C4orf50: variants seen among roughly 807,000 people sequenced by gnomAD.
The protein encoded by C4orf50 is chromosome 4 open reading frame 50.
C4orf50 carries 80 observed loss-of-function variants against 77.2 expected under a neutral mutation model. The ratio of observed to expected loss-of-function variants is 1.04; its 90% CI spans 0.87 to 1.25. The LOEUF (loss-of-function observed/expected upper bound fraction) is 1.25. Ranked by LOEUF, C4orf50 falls within the 50% of genes most tolerant of loss-of-function variation. C4orf50 has a pLI of 0.00. For synonymous variants in C4orf50, 532 were observed against 465.3 expected (o/e 1.14, Z -1.84); for missense variants, 1,257 against 1,152.9 (o/e 1.09, Z -1.31).
rs7697135 is a variant in C4orf50, at chr4:6,015,221, T to G, written c.287+2924A>C. The stretch of plus-strand genomic sequence containing the variant: ...CTTAGAATGTGATTATATTTGGAGA[T>G]AAGCCCTTTCAAAGAGGCAATTAAG... On this transcript the variant is annotated intron_variant, in intron 23 of 33. Transcript: ENST00000531445. This position sits in a 1 kb window ranked among gnomAD's most constrained non-coding sequence, Gnocchi z 4.4. 0.47 allele frequency among the ~76,000 whole-genome samples: 71,686 copies of G among 151,992 alleles called. 17,636 individuals are homozygous for G. The highest frequency in any genetic ancestry group is 0.55 in the Non-Finnish European group (37,419 of 67,978).
At chr4:5,911,230 G>A (rs576470430) in intron 7 of C4orf50, among the ~76,000 whole-genome samples, 3 of 152,132 alleles carry the variant, frequency 2.0e-5, no homozygotes, top group African/African-American at 7.2e-5. Flanking sequence ...TGTGCCTTTC[G>A]AACTTGTGGG....
chr4:6,000,337 G>C lies in C4orf50; in HGVS notation c.964-5861C>G, dbSNP rs1577986368. ...CTGGCTTTGCAGTTCCTTATCGATG[G>C]GTTCTAACACTTTAATTTATAAATT... On this transcript the variant is annotated intron_variant, in intron 25 of 33. Coordinates refer to ENST00000531445, the Ensembl canonical transcript of C4orf50. The surrounding 1 kb of genome is among the most constrained non-coding windows in gnomAD (Gnocchi z 6.0). Among the ~76,000 whole-genome samples, 3 of 152,172 alleles carry C rather than the reference G, an allele frequency of 2.0e-5. No homozygotes were observed. In the South Asian group the frequency reaches 6.2e-4, roughly 32 times the overall value.
In C4orf50 at chr4:5,919,503, C is replaced by A. The variant is rs891753379; in HGVS notation, c.*2475-21315G>T. Among the ~76,000 whole-genome samples the A allele has an allele frequency of 6.6e-6, 1 of 152,142 alleles. No individual in the cohort carries two copies. Among genetic ancestry groups the A allele is most frequent in the African/African-American group, 2.4e-5 (1 of 41,430 alleles). ...AGCCCCACAGAGACTGTGCAGGAGGCCATGTCGAGGACGTCTCCCAGGAAG... is the reference window on the plus strand; with the variant it reads ...AGCCCCACAGAGACTGTGCAGGAGGACATGTCGAGGACGTCTCCCAGGAAG... On this transcript the variant is annotated intron_variant, in intron 7 of 7. Coordinates refer to the C4orf50 transcript ENST00000324058. This position sits in a 1 kb window ranked among gnomAD's most constrained non-coding sequence, Gnocchi z 6.5.
chr4:5,946,969 GC>G (rs1718508514), intron 7 of C4orf50, among the ~76,000 whole-genome samples: 1 of 152,208 alleles, frequency 6.6e-6, no homozygotes, highest in African/African-American at 2.4e-5. Context: ...CACACATGGT[GC>G]TCTTGGCCAG....
intron 7 of C4orf50, among the ~76,000 whole-genome samples, chr4:5,943,628 ATCAAGAGACGC>A (rs1373531908): frequency 6.6e-6 from 1 of 152,206 alleles, no homozygotes; most frequent in African/African-American, 2.4e-5. Context: ...AAGAGCACAC[ATCAAGAGACGC>A]TTTACAAACT....
At chr4:6,016,691 C>A (rs1480319066) in intron 23 of C4orf50, among the ~76,000 whole-genome samples, 1 of 152,100 alleles carries the variant, frequency 6.6e-6, no homozygotes, top group Non-Finnish European at 1.5e-5. Context: ...ACTAACATAA[C>A]TTTGTATATG....
At chr4:6,012,043 G>A in intron 23 of C4orf50, 75 bp from the exon 2 acceptor site, 1 of 398,718 alleles carries the variant, frequency 2.5e-6, no homozygotes, top group Non-Finnish European at 4.4e-6. Context: ...AGACACCAGG[G>A]CCAAATTATT....
At chr4:5,995,633 C>G (rs2108796930) in intron 25 of C4orf50, among the ~76,000 whole-genome samples, 1 of 152,286 alleles carries the variant, frequency 6.6e-6, no homozygotes, top group East Asian at 1.9e-4. Flanking sequence ...GCCTCACATA[C>G]CTACTACTCC....
In C4orf50 at chr4:6,011,391, A is replaced by T. The variant is rs1375634770; in HGVS notation, c.426+439T>A. On this transcript the variant is annotated intron_variant, in intron 24 of 33. Transcript: ENST00000531445. This position sits in a 1 kb window ranked among gnomAD's most constrained non-coding sequence, Gnocchi z 4.2. ...TGCCCTTCCCAACAAGGCCCAGCTC[A>T]CATGGCCTCAGCTCTCTGTAGCTCT... is the stretch of plus-strand genomic sequence containing the variant. 1.3e-5 allele frequency among the ~76,000 whole-genome samples: 2 copies of T among 152,064 alleles called. No homozygotes were observed. Among genetic ancestry groups the T allele is most frequent in the Non-Finnish European group, 2.9e-5 (2 of 67,984 alleles).
At chr4:5,984,843 A>G (rs994703725) in intron 28 of C4orf50, among the ~76,000 whole-genome samples, 3 of 145,978 alleles carry the variant, frequency 2.1e-5, no homozygotes, top group Non-Finnish European at 4.6e-5. Context: ...ACACAAGTTC[A>G]AGAAGCTAAA....
intron 7 of C4orf50, among the ~76,000 whole-genome samples, chr4:5,922,246 G>A (rs577005799): frequency 3.9e-5 from 6 of 152,336 alleles, no homozygotes; most frequent in South Asian, 2.1e-4. Flanking sequence ...AGTGATGCAC[G>A]GGGACAGAGG....
intron 7 of C4orf50, among the ~76,000 whole-genome samples, chr4:5,935,557 G>C (rs530993774): frequency 6.6e-6 from 1 of 152,120 alleles, no homozygotes; most frequent in Non-Finnish European, 1.5e-5. Context: ...GGAGGTCAAG[G>C]CAGGCGGATA....
rs4619829 is a variant in C4orf50 at position 5,908,197 on chromosome 4, C to A, written c.*2475-10009G>T. ...ACATGTGTCCTCAAGGGCCTTATAT[C>A]TGAGTGAGTAAAACAGACAAGCAAG... On this transcript the variant is annotated intron_variant, in intron 7 of 7. Coordinates refer to the C4orf50 transcript ENST00000324058. This position sits in a 1 kb window ranked among gnomAD's most constrained non-coding sequence, Gnocchi z 5.6. 6.6e-6 allele frequency among the ~76,000 whole-genome samples: 1 copy of A among 152,240 alleles called. No individual in the cohort carries two copies. The highest frequency in any genetic ancestry group is 6.5e-5 in the Admixed American group (1 of 15,300).
chr4:5,936,868 A>G (rs1315702282), intron 7 of C4orf50, among the ~76,000 whole-genome samples: 1 of 152,160 alleles, frequency 6.6e-6, no homozygotes, highest in East Asian at 1.9e-4. Context: ...AAAAGCAATC[A>G]GAGAGAGAGA....
intron 7 of C4orf50, among the ~76,000 whole-genome samples, chr4:5,918,885 C>T (rs1041793342): frequency 4.6e-5 from 7 of 151,760 alleles, no homozygotes; most frequent in Non-Finnish European, 7.4e-5. Context: ...AGTCTCCTGG[C>T]GGGGGACCCC....
intron 33 of C4orf50, 28 bp downstream of exon 11, chr4:5,964,996 G>A: frequency 6.3e-7 from 1 of 1,597,020 alleles, no homozygotes; most frequent in Non-Finnish European, 8.5e-7. Flanking sequence ...AGTTCATTTA[G>A]GAAATGAGGT....
chr4:5,904,770 G>A (rs1716478864), intron 7 of C4orf50: 2 of 152,144 alleles, frequency 1.3e-5, no homozygotes, highest in South Asian at 2.1e-4. Flanking sequence ...TGCAGGTTGG[G>A]AACTCCATCC....
At chr4:5,956,851 C>T (rs1718991282), downstream of C4orf50, 1 of 152,318 alleles carries the variant, frequency 6.6e-6, no homozygotes, top group Admixed American at 6.5e-5. Context: ...CATTCCCTGC[C>T]TGTGGGGCAG....
chr4:5,972,555 C>T (rs1719988986), intron 31 of C4orf50, among the ~76,000 whole-genome samples: 1 of 152,224 alleles, frequency 6.6e-6, no homozygotes, highest in African/African-American at 2.4e-5. Flanking sequence ...TCCATCTCTG[C>T]TGTGCAATGA....
Sources: allele counts gnomAD v4.1 joint callset (sites outside exome capture counted in the v4.1 genomes callset), GRCh38; gene constraint gnomAD v4.1.1; non-coding constraint Gnocchi (gnomAD v3.1); transcripts MANE v1.5; gene names NCBI Gene and HGNC (gene_info 2026-07-23, HGNC 2026-07-21).